Variants in HS3ST4 observed in about 807,000 individuals in gnomAD.
HS3ST4 encodes the protein heparan sulfate glucosamine 3-O-sulfotransferase 4.
A neutral mutation model predicts 29.2 loss-of-function variants in HS3ST4; 17 were observed. The ratio of observed to expected loss-of-function variants is 0.58; its 90% CI spans 0.40 to 0.87. HS3ST4 has a LOEUF of 0.87. HS3ST4 is among the 40% of genes least tolerant of loss of function. HS3ST4 has a pLI of 0.00. For synonymous variants in HS3ST4, 314 were observed against 285.7 expected, an observed-to-expected ratio of 1.10 and a Z score of -1.00; for missense variants, 627 against 634.5, an observed-to-expected ratio of 0.99 and a Z score of 0.13.
intron 1 of HS3ST4, among the ~76,000 whole-genome samples, chr16:26,083,714 T>C (rs1898751330): frequency 6.6e-6 from 1 of 152,146 alleles, no homozygotes; most frequent in Non-Finnish European, 1.5e-5. Flanking sequence ...GACATTCTTA[T>C]ATTCTAGTCC....
At chr16:25,956,893 G>T (rs1968739518) in intron 1 of HS3ST4, among the ~76,000 whole-genome samples, 1 of 151,548 alleles carries the variant, frequency 6.6e-6, no homozygotes, top group Admixed American at 6.6e-5. Context: ...AGCTACTTGG[G>T]AGGCTCAGGC....
chr16:25,898,068 C>T (rs1033639260), intron 1 of HS3ST4, among the ~76,000 whole-genome samples: 4 of 152,202 alleles, frequency 2.6e-5, no homozygotes, highest in Non-Finnish European at 4.4e-5. Context: ...CAAGCTCCAA[C>T]TGAGGGAAAG....
intron 1 of HS3ST4, among the ~76,000 whole-genome samples, chr16:26,096,272 C>A (rs928059871): frequency 6.6e-6 from 1 of 152,160 alleles, no homozygotes; most frequent in African/African-American, 2.4e-5. Context: ...GATACCAAAT[C>A]CTGGCAGAGA....
chr16:25,733,605 G>T (rs1303024021), intron 1 of HS3ST4, among the ~76,000 whole-genome samples: 1 of 152,198 alleles, frequency 6.6e-6, no homozygotes, highest in Admixed American at 6.5e-5. Flanking sequence ...ACACAAGGAG[G>T]CTGGGATTCT....
At chr16:25,805,216 C>T (rs1180119033) in intron 1 of HS3ST4, among the ~76,000 whole-genome samples, 1 of 152,140 alleles carries the variant, frequency 6.6e-6, no homozygotes, top group Non-Finnish European at 1.5e-5. Context: ...CACAGATACA[C>T]TTGAGGAGGG....
At chr16:25,952,557 T>G (rs1968692196) in intron 1 of HS3ST4, among the ~76,000 whole-genome samples, 2 of 152,204 alleles carry the variant, frequency 1.3e-5, no homozygotes, top group African/African-American at 2.4e-5. Context: ...TAATAGTACT[T>G]ACCTCAGGGG....
Position 25,692,305 on chromosome 16 carries a change from AGCGGCGGCGGCGGCG to A in HS3ST4, c.-93_-79del, listed in dbSNP as rs533546276. 2,000 of 146,402 alleles carry A rather than the reference AGCGGCGGCGGCGGCG, an allele frequency of 0.014. 21 individuals carry two copies. Among genetic ancestry groups the A allele is most frequent in the Middle Eastern group, 0.041 (11 of 266 alleles). The allele number at this position is 146,402 out of a possible 1,614,324, so 9.1% of individuals were successfully genotyped here. A position where few individuals can be genotyped will look rare whatever the true frequency, so the allele number is the denominator to read the frequency against. Reference sequence around the variant, plus strand: ...CTTCATGCAGCCGGGGCGGCTGGGCAGCGGCGGCGGCGGCGGCGGCGGCGGCGGCGGCGGGGGCGG... The same window carrying A: ...CTTCATGCAGCCGGGGCGGCTGGGCAGCGGCGGCGGCGGCGGCGGGGGCGG... On this transcript the variant is annotated 5_prime_UTR_variant, in exon 1 of 2. Transcript: ENST00000331351.
rs561645982 is a variant in HS3ST4 at position 26,105,144 on chromosome 16, A to T, written c.735-30468A>T. ...GATGAAGAAAATGTGGTACATAAAC[A>T]CCATGGAATACTATGCAGCCATAGA... On this transcript the variant is annotated intron_variant, in intron 1 of 1. Transcript: ENST00000331351. Among the ~76,000 whole-genome samples the T allele has an allele frequency of 3.9e-4, 60 of 152,242 alleles. 1 individual carries two copies. Among genetic ancestry groups the T allele is most frequent in the South Asian group, 8.3e-4 (4 of 4,824 alleles).
chr16:25,951,542 T>G (rs1968683347), intron 1 of HS3ST4, among the ~76,000 whole-genome samples: 1 of 152,168 alleles, frequency 6.6e-6, no homozygotes, highest in South Asian at 2.1e-4. Flanking sequence ...AAATGGCAAT[T>G]TAAAGAATGT....
rs970454358 is a variant in HS3ST4 at position 26,136,582 on chromosome 16, T to C, written c.*334T>C. 3 of 318,776 alleles carry C rather than the reference T, an allele frequency of 9.4e-6. No individual in the cohort carries two copies. Among genetic ancestry groups the C allele is most frequent in the African/African-American group, 2.1e-5 (1 of 47,580 alleles). 19.7% of individuals were successfully genotyped at this position (318,776 alleles called of 1,614,324 possible). The stretch of plus-strand genomic sequence containing the variant: ...TGTCAGAGACAGTGCTATTAATGTA[T>C]ATGTGAGCGACAAAAAAGGTCTGCT... On this transcript the variant is annotated 3_prime_UTR_variant, in exon 2 of 2. Transcript: ENST00000331351.
At chr16:25,719,551 G>A (rs1379735738) in intron 1 of HS3ST4, among the ~76,000 whole-genome samples, 1 of 152,216 alleles carries the variant, frequency 6.6e-6, no homozygotes, top group Non-Finnish European at 1.5e-5. Context: ...TATAGGAAGG[G>A]AAAGCTGTTT....
intron 1 of HS3ST4, among the ~76,000 whole-genome samples, chr16:26,093,380 A>G (rs9931125): frequency 0.54 from 82,044 of 151,896 alleles, 22,908 homozygotes; most frequent in African/African-American, 0.67. Context: ...CCTCTGGGAC[A>G]AAGCTTCCAG....
chr16:26,129,415 T>G (rs1202756192), intron 1 of HS3ST4, among the ~76,000 whole-genome samples: 2 of 152,220 alleles, frequency 1.3e-5, no homozygotes, highest in Non-Finnish European at 1.5e-5. Context: ...GGGATTGAAT[T>G]CCGACTCCAC....
At chr16:26,068,622 G>A (rs1260973767) in intron 1 of HS3ST4, among the ~76,000 whole-genome samples, 3 of 151,870 alleles carry the variant, frequency 2.0e-5, no homozygotes, top group Non-Finnish European at 4.4e-5. Flanking sequence ...TTTCATCTCC[G>A]ACCTCAATTA....
At chr16:25,783,892 G>A (rs1466506663) in intron 1 of HS3ST4, among the ~76,000 whole-genome samples, 1 of 151,498 alleles carries the variant, frequency 6.6e-6, no homozygotes, top group Non-Finnish European at 1.5e-5. Context: ...AGTGCAATTT[G>A]CAGATACTGT....
intron 1 of HS3ST4, among the ~76,000 whole-genome samples, chr16:25,934,134 A>T (rs1968494843): frequency 6.6e-6 from 1 of 152,148 alleles, no homozygotes; most frequent in South Asian, 2.1e-4. Flanking sequence ...CTGGTTTGTA[A>T]GTGTCTGCTT....
At chr16:25,989,877 C>T (rs964087950) in intron 1 of HS3ST4, among the ~76,000 whole-genome samples, 3 of 152,224 alleles carry the variant, frequency 2.0e-5, no homozygotes, top group Non-Finnish European at 4.4e-5. Flanking sequence ...TTTGTTAAAA[C>T]TGTTTAATCA....
intron 1 of HS3ST4, among the ~76,000 whole-genome samples, chr16:25,895,818 A>G (rs2141671056): frequency 6.6e-6 from 1 of 152,194 alleles, no homozygotes; most frequent in East Asian, 1.9e-4. Flanking sequence ...GAGGGCCCCC[A>G]TGACCTAATC....
intron 1 of HS3ST4, among the ~76,000 whole-genome samples, chr16:26,084,195 G>T (rs542410010): frequency 1.9e-4 from 29 of 152,162 alleles, no homozygotes; most frequent in African/African-American, 6.3e-4. Context: ...TCCTTCAGAT[G>T]TCTATGAGTG....
Sources: allele counts gnomAD v4.1 joint callset (sites outside exome capture counted in the v4.1 genomes callset), GRCh38; gene constraint gnomAD v4.1.1; transcripts MANE v1.5; gene names NCBI Gene and HGNC (gene_info 2026-07-23, HGNC 2026-07-21).